ATAD2B: variants seen among roughly 807,000 people sequenced by gnomAD.
ATAD2B encodes the protein ATPase family AAA domain containing 2B, also known as ATPase family AAA domain-containing protein 2B.
In ATAD2B, 40 loss-of-function variants were observed where a neutral mutation model predicts 167.6. The ratio of observed to expected loss-of-function variants is 0.24; its 90% CI spans 0.19 to 0.31. ATAD2B has a LOEUF of 0.31. Ranked by LOEUF, ATAD2B falls within the 10% of genes least tolerant of loss-of-function variation. The probability of loss-of-function intolerance (pLI) is 1.00; values close to 1 mark genes in which losing one functional copy is unlikely to be tolerated. For synonymous variants in ATAD2B, 579 were observed against 596.5 expected (o/e 0.97, Z 0.43); for missense variants, 1,242 against 1,757.2 (o/e 0.71, Z 5.24).
chr2:23,805,940 CT>C (rs1684321342), intron 18 of ATAD2B, among the ~76,000 whole-genome samples: 2 of 151,856 alleles, frequency 1.3e-5, no homozygotes, highest in African/African-American at 4.8e-5. Context: ...GCTATTCTTT[CT>C]TCTTACTGAT....
chr2:23,744,867 T>G (rs1047470807), downstream of ATAD2B, among the ~76,000 whole-genome samples: 5 of 152,126 alleles, frequency 3.3e-5, no homozygotes, highest in Non-Finnish European at 7.3e-5. Context: ...TTCTCTGAAA[T>G]TTTTTCTTTT....
Position 23,823,250 on chromosome 2 carries a change from T to G in ATAD2B, c.2131+8A>C. On this transcript the variant is annotated splice_region_variant and intron_variant, in intron 16 of 27. Transcript: ENST00000238789. ...ATCTTAACAATATAAAAAAGTAGTT[T>G]AGAGTACCTTCTTTTTTGTCACTCT... 6.3e-7 allele frequency: 1 copy of G among 1,596,746 alleles called. No individual in the cohort carries two copies. The highest frequency in any genetic ancestry group is 1.7e-5 in the Admixed American group (1 of 58,000).
Position 23,757,898 on chromosome 2 carries a change from C to A in ATAD2B, c.3598G>T (p.Asp1200Tyr). Residue 1200 changes from aspartate (D) to tyrosine (Y), a missense_variant, in exon 25 of 28, where the codon GAC (aspartate) becomes TAC (tyrosine). By Grantham distance (160) the Asp-to-Tyr change is radical (BLOSUM62 -3). Coordinates refer to ENST00000238789, the MANE Select transcript of ATAD2B (RefSeq NM_017552.4). ...GATTCATCATTGGTCATAGATAAGTCTCCAGTCTCTTCTCCATTTTCCTCA... is the reference window on the plus strand; with the variant it reads ...GATTCATCATTGGTCATAGATAAGTATCCAGTCTCTTCTCCATTTTCCTCA... ...CHEENGEETG[D>Y]LSMTNDESSC... The A allele has an allele frequency of 6.2e-7, 1 of 1,603,620 alleles. No individual in the cohort carries two copies.
chr2:23,887,986 C>A lies in ATAD2B; in HGVS notation c.419-1G>T. ...CCTCGAAGGGGATGGCTTCGAAGGG[C>A]TACAAGAAGAGAGATATTTACATTT... On this transcript the variant is annotated splice_acceptor_variant, in intron 3 of 27. Coordinates refer to ENST00000238789, the MANE Select transcript of ATAD2B (RefSeq NM_017552.4). LOFTEE classifies it high-confidence loss of function. 6.4e-7 allele frequency: 1 copy of A among 1,560,580 alleles called. No homozygotes were observed. The highest frequency in any genetic ancestry group is 8.6e-7 in the Non-Finnish European group (1 of 1,160,884).
intron 13 of ATAD2B, among the ~76,000 whole-genome samples, chr2:23,850,138 C>CAAAA (rs751139594): frequency 6.9e-5 from 4 of 58,252 alleles, no homozygotes; most frequent in African/African-American, 2.2e-4. Flanking sequence ...GACTCCGTCT[C>CAAAA]AAAAAAAAAA....
chr2:23,878,322 C>T (rs1432972793), intron 7 of ATAD2B, among the ~76,000 whole-genome samples: 1 of 151,762 alleles, frequency 6.6e-6, no homozygotes, highest in African/African-American at 2.4e-5. Context: ...GACTGCACCA[C>T]TGCATTCCAG....
At chr2:23,900,237 T>C (rs906495353) in intron 1 of ATAD2B, among the ~76,000 whole-genome samples, 4 of 151,570 alleles carry the variant, frequency 2.6e-5, no homozygotes, top group African/African-American at 9.7e-5. Flanking sequence ...ATTTTATATT[T>C]TTATTATTTT....
At chr2:23,701,910 T>C in the ATAD2B span, among the ~76,000 whole-genome samples, 75,790 of 150,650 alleles carry the variant, frequency 0.5, 19,726 homozygotes, top group East Asian at 0.79. Context: ...AAGCAGTTCT[T>C]CTGCCTCAGC....
chr2:23,788,336 T>G, intron 20 of ATAD2B, 176 bp downstream of exon 20: 1 of 660,204 alleles, frequency 1.5e-6, no homozygotes, highest in Non-Finnish European at 2.5e-6. Context: ...AGGCTATACT[T>G]CCCAATCTCA....
intron 7 of ATAD2B, among the ~76,000 whole-genome samples, chr2:23,879,120 C>T (rs1411114962): frequency 6.6e-6 from 1 of 152,076 alleles, no homozygotes; most frequent in Non-Finnish European, 1.5e-5. Context: ...TCATAAAACC[C>T]AGCCTTTCTA....
chr2:23,899,868 T>C (rs185217001), intron 1 of ATAD2B, among the ~76,000 whole-genome samples: 4 of 150,408 alleles, frequency 2.7e-5, no homozygotes, highest in African/African-American at 9.8e-5. Context: ...GGATTACAAG[T>C]GTGAGCCACC....
rs530551822 is a variant in ATAD2B at position 23,835,806 on chromosome 2, C to T, written c.1569-1728G>A. 3.9e-5 allele frequency among the ~76,000 whole-genome samples: 6 copies of T among 152,000 alleles called. No individual in the cohort carries two copies. In the East Asian group the frequency reaches 1.2e-3, roughly 29 times the overall value. The stretch of plus-strand genomic sequence containing the variant: ...CAAAAATTAGCTCGGTGCGGTGGCA[C>T]GCACCTGTAATCCCAGCTACTTGGA... On this transcript the variant is annotated intron_variant, in intron 13 of 27. Transcript: ENST00000238789.
the ATAD2B span, among the ~76,000 whole-genome samples, chr2:23,734,525 G>A: frequency 6.6e-6 from 1 of 152,158 alleles, no homozygotes; most frequent in Non-Finnish European, 1.5e-5. Flanking sequence ...TGTACAGGAA[G>A]CATGGCTGCG....
chr2:23,696,545 C>G, the ATAD2B span: 2 of 1,459,594 alleles, frequency 1.4e-6, no homozygotes, highest in Non-Finnish European at 1.8e-6. The surrounding 1 kb of genome is among the most constrained non-coding windows in gnomAD (Gnocchi z 5.5). Flanking sequence ...CAGGGGCATG[C>G]TCTTTGCTCA....
At position 23,830,662 on chromosome 2, in the gene ATAD2B, T is replaced by C. The variant is rs562547944; in HGVS notation, c.1729-1723A>G. On this transcript the variant is annotated intron_variant, in intron 14 of 27. Transcript: ENST00000238789. ...CATTCAGCTATGAAAGTTAAAGCAATGATATGACACTTATTTTCTTCCAAC... is the reference window on the plus strand; with the variant it reads ...CATTCAGCTATGAAAGTTAAAGCAACGATATGACACTTATTTTCTTCCAAC... 2.0e-5 allele frequency among the ~76,000 whole-genome samples: 3 copies of C among 152,236 alleles called. No homozygotes were observed. The East Asian group carries it at 5.8e-4, about 29-fold the overall frequency.
At chr2:23,873,833 A>G (rs185959995) in intron 8 of ATAD2B, among the ~76,000 whole-genome samples, 114 of 152,334 alleles carry the variant, frequency 7.5e-4, no homozygotes, top group African/African-American at 2.6e-3. Context: ...GATACAAATA[A>G]CAATAATACA....
chr2:23,880,741 C>G lies in ATAD2B; in HGVS notation c.799G>C (p.Asp267His). Residue 267 changes from aspartate to histidine, a missense_variant, in exon 7 of 28, where the codon GAT (aspartate) becomes CAT (histidine). By Grantham distance (81) the Asp-to-His change is moderately conservative (BLOSUM62 -1). This residue lies in a region of ATAD2B where 99 missense variants were observed against 160.4 expected (regional missense o/e 0.62). Coordinates refer to ENST00000238789, the MANE Select transcript of ATAD2B (RefSeq NM_017552.4). The part of the protein sequence containing the change: ...EGEEEESQEE[D>H]GDIEVEEAEG... The stretch of plus-strand genomic sequence containing the variant: ...GCCTCTTCAACTTCTATATCTCCAT[C>G]CTCCTCTTGAGATTCTAGTTTCCCA... 1 of 1,595,586 alleles carries G rather than the reference C, an allele frequency of 6.3e-7. No homozygotes were observed. Among genetic ancestry groups the G allele is most frequent in the Non-Finnish European group, 8.6e-7 (1 of 1,166,774 alleles).
the ATAD2B span, among the ~76,000 whole-genome samples, chr2:23,678,609 A>T: frequency 1.3e-5 from 2 of 152,238 alleles, no homozygotes; most frequent in Non-Finnish European, 2.9e-5. Flanking sequence ...CACAGTCTAA[A>T]TAAGTGCTCA....
At chr2:23,706,056 C>G in the ATAD2B span, among the ~76,000 whole-genome samples, 1 of 152,204 alleles carries the variant, frequency 6.6e-6, no homozygotes, top group African/African-American at 2.4e-5. Flanking sequence ...GGCTGACATT[C>G]AATTCCAGCT....
Sources: gnomAD v4.1 joint callset for allele counts (sites outside exome capture counted in the v4.1 genomes callset) on GRCh38, gnomAD v4.1.1 for gene constraint, gnomAD v4.1.1 regional missense constraint, Gnocchi (gnomAD v3.1) non-coding constraint, MANE v1.5 for transcripts, NCBI Gene and HGNC (gene_info 2026-07-23, HGNC 2026-07-21) for gene names.